Variants in ANKRD17 observed in about 807,000 individuals in gnomAD.
ANKRD17 encodes ankyrin repeat domain-containing protein 17.
Under a neutral mutation model 229.7 loss-of-function variants are expected in ANKRD17, and 19 were observed. The observed-to-expected ratio is 0.08, with a 90% CI of 0.06 to 0.12. The LOEUF is 0.12. ANKRD17 is among the 10% of genes least tolerant of loss of function. The probability of loss-of-function intolerance (pLI) is 1.00; values close to 1 mark genes in which losing one functional copy is unlikely to be tolerated. For synonymous variants in ANKRD17, 1,112 were observed against 1,146.1 expected (o/e 0.97, Z 0.60); for missense variants, 2,176 against 3,176.8 (o/e 0.68, Z 7.57).
At chr4:73,115,987 C>CT (rs1393202798) in intron 22 of ANKRD17, 71 bp from the exon 23 acceptor site, 1 of 1,283,846 alleles carries the variant, frequency 7.8e-7, no homozygotes, top group Non-Finnish European at 1.1e-6. Flanking sequence ...CCTGAACTAA[C>CT]TTTAACAGTT....
chr4:73,222,399 C>T (rs1741976370), intron 1 of ANKRD17, among the ~76,000 whole-genome samples: 1 of 152,140 alleles, frequency 6.6e-6, no homozygotes, highest in Admixed American at 6.6e-5. Flanking sequence ...GTCTCTCTAG[C>T]ATCAGTGCCC....
At chr4:73,172,146 C>A (rs572540147) in intron 2 of ANKRD17, among the ~76,000 whole-genome samples, 1 of 152,202 alleles carries the variant, frequency 6.6e-6, no homozygotes, top group Admixed American at 6.5e-5. Context: ...TTCCAAAGGT[C>A]AAGGAGGTAA....
In ANKRD17 at chr4:73,074,805, T is replaced by C. The variant is rs1343901346; in HGVS notation, c.*1426A>G. 1 of 152,484 alleles carries C rather than the reference T, an allele frequency of 6.6e-6. No homozygotes were observed. The highest frequency in any genetic ancestry group is 1.5e-5 in the Non-Finnish European group (1 of 67,888). The allele number at this position is 152,484 out of a possible 1,614,324, so 9.4% of individuals were successfully genotyped here. ...TGATATATACATTACTCGATTTTTA[T>C]GCTTACTTTCTTTTACATTTCAACC... On this transcript the variant is annotated 3_prime_UTR_variant, in exon 34 of 34. Transcript: ENST00000358602.
chr4:73,244,815 T>G (rs1055650775), intron 1 of ANKRD17, among the ~76,000 whole-genome samples: 1 of 152,134 alleles, frequency 6.6e-6, no homozygotes, highest in African/African-American at 2.4e-5. Flanking sequence ...AGGCTGGAGA[T>G]CTAATGATCT....
At chr4:73,197,220 C>T (rs1738005463) in intron 1 of ANKRD17, among the ~76,000 whole-genome samples, 1 of 152,082 alleles carries the variant, frequency 6.6e-6, no homozygotes, top group Non-Finnish European at 1.5e-5. Flanking sequence ...CCACTGAAGT[C>T]TTATATTCCT....
intron 1 of ANKRD17, among the ~76,000 whole-genome samples, chr4:73,201,435 A>C (rs1738660866): frequency 6.6e-6 from 1 of 152,104 alleles, no homozygotes; most frequent in Non-Finnish European, 1.5e-5. Flanking sequence ...ATTTTCAGAA[A>C]AATTAATAAA....
At chr4:73,118,603 A>T in intron 22 of ANKRD17, 85 bp downstream of exon 22, 1 of 1,470,324 alleles carries the variant, frequency 6.8e-7, no homozygotes, top group Non-Finnish European at 9.3e-7. Flanking sequence ...AAAAGCACAA[A>T]ATGAGTCTTT....
chr4:73,107,270 T>G (rs555278352), intron 24 of ANKRD17, among the ~76,000 whole-genome samples: 1 of 152,224 alleles, frequency 6.6e-6, no homozygotes, highest in African/African-American at 2.4e-5. Context: ...CAAGATTTCA[T>G]TTCTCAATAA....
rs755552570 is a variant in ANKRD17 at position 73,091,226 on chromosome 4, T to C, written c.6402A>G (p.Arg2134=). 1 of 1,614,196 alleles carries C rather than the reference T, an allele frequency of 6.2e-7. No homozygotes were observed. The highest frequency in any genetic ancestry group is 8.5e-7 in the Non-Finnish European group (1 of 1,180,030). Residue 2134 remains arginine (R), a synonymous_variant, in exon 29 of 34, where the codon AGA becomes AGG. Transcript: ENST00000358602. The part of the protein sequence containing the change: ...QQSQVPPPEV[R]MTVPPLATSS... ...TTGTTGCTAAAGGAGGAACAGTCAT[T>C]CTAACTTCCGGGGGAGGAACCTGAG... is the stretch of plus-strand genomic sequence containing the variant.
At chr4:73,238,638 T>C (rs1283725077) in intron 1 of ANKRD17, among the ~76,000 whole-genome samples, 1 of 152,116 alleles carries the variant, frequency 6.6e-6, no homozygotes, top group Non-Finnish European at 1.5e-5. Context: ...TACTTGGGGA[T>C]AGGTCACTAT....
intron 1 of ANKRD17, among the ~76,000 whole-genome samples, chr4:73,195,701 G>T (rs1462112836): frequency 1.3e-5 from 2 of 152,082 alleles, no homozygotes; most frequent in Non-Finnish European, 2.9e-5. Flanking sequence ...TAGACAGGGG[G>T]TTTCACCATG....
chr4:73,222,333 A>G (rs578174117), intron 1 of ANKRD17, among the ~76,000 whole-genome samples: 62 of 152,290 alleles, frequency 4.1e-4, no homozygotes, highest in African/African-American at 1.5e-3. Flanking sequence ...CAACCAGAAA[A>G]GAGAAAATAT....
In ANKRD17 at chr4:73,135,168, G is replaced by C. The variant is rs1312926511; in HGVS notation, c.3183C>G (p.Ile1061Met). 3.1e-6 allele frequency: 5 copies of C among 1,613,802 alleles called. No individual in the cohort carries two copies. Among genetic ancestry groups the C allele is most frequent in the Non-Finnish European group, 4.2e-6 (5 of 1,179,862 alleles). ...AGATAGGAAGCATGGCTGAAGGAGAGATGATAGGACTTGGAGTTGGAGTCT... is the reference window on the plus strand; with the variant it reads ...AGATAGGAAGCATGGCTGAAGGAGACATGATAGGACTTGGAGTTGGAGTCT... ...QPQTPTPSPI[I>M]SPSAMLPIYP... The change falls in exon 16 of 34, where the codon ATC becomes ATG. Residue 1061 changes from isoleucine to methionine, a missense_variant. By Grantham distance (10) the Ile-to-Met change is conservative (BLOSUM62 1). Transcript: ENST00000358602.
intron 29 of ANKRD17, among the ~76,000 whole-genome samples, chr4:73,087,177 C>T (rs997013082): frequency 2.6e-5 from 4 of 150,960 alleles, no homozygotes; most frequent in African/African-American, 9.8e-5. Flanking sequence ...CCTCCATCTA[C>T]TGGGCTCAAG....
chr4:73,161,130 AG>A, intron 3 of ANKRD17, 61 bp downstream of exon 3: 1 of 1,571,584 alleles, frequency 6.4e-7, no homozygotes, highest in Non-Finnish European at 8.7e-7. Flanking sequence ...AGTAAATGTT[AG>A]CTATTTGTTA....
At chr4:73,100,412 C>T (rs1210524794) in intron 25 of ANKRD17, among the ~76,000 whole-genome samples, 1 of 151,542 alleles carries the variant, frequency 6.6e-6, no homozygotes, top group African/African-American at 2.4e-5. Context: ...TGATTTGTTC[C>T]AGCCTGGGGC....
At chr4:73,080,265 G>C (rs1334991980) in intron 30 of ANKRD17, among the ~76,000 whole-genome samples, 1 of 152,012 alleles carries the variant, frequency 6.6e-6, no homozygotes, top group African/African-American at 2.4e-5. Flanking sequence ...TAAGATAAAA[G>C]AGAAAGACCT....
intron 1 of ANKRD17, among the ~76,000 whole-genome samples, chr4:73,244,005 C>A (rs1744266444): frequency 1.3e-5 from 2 of 152,090 alleles, no homozygotes; most frequent in South Asian, 4.1e-4. Context: ...TGGGTGTCTG[C>A]AGATTTGTTT....
intron 1 of ANKRD17, chr4:73,223,032 T>C (rs1226865924): frequency 6.5e-7 from 1 of 1,536,134 alleles, no homozygotes; most frequent in Admixed American, 2.0e-5. Flanking sequence ...CACCATGTTT[T>C]ATCAAACTGC....
Sources: allele counts gnomAD v4.1 joint callset (sites outside exome capture counted in the v4.1 genomes callset), GRCh38; gene constraint gnomAD v4.1.1; transcripts MANE v1.5; gene names NCBI Gene and HGNC (gene_info 2026-07-23, HGNC 2026-07-21).